Variants in STON2 observed in about 807,000 individuals in gnomAD.
The protein encoded by STON2 is stonin-2.
In STON2, 29 loss-of-function variants were observed where a neutral mutation model predicts 65.7. That is an observed-to-expected ratio of 0.44 (90% CI 0.33 to 0.60). The LOEUF (loss-of-function observed/expected upper bound fraction) is 0.60. STON2 is among the 20% of genes least tolerant of loss of function. The pLI, the probability that STON2 is intolerant of heterozygous loss-of-function variation, is 0.03. For missense variants in STON2, 1,054 were observed against 1,118.1 expected (o/e 0.94, Z 0.82); for synonymous variants, 404 against 414.2 (o/e 0.98, Z 0.30).
chr14:81,409,424 T>C (rs1008955483), intron 2 of STON2, among the ~76,000 whole-genome samples: 1 of 76,076 alleles, frequency 1.3e-5, no homozygotes, highest in Non-Finnish European at 2.6e-5. Context: ...TAAAAATAAA[T>C]ATAAAAATAT....
At position 81,305,892 on chromosome 14, in the gene STON2, G is replaced by A. The variant is rs185980489; in HGVS notation, c.742+18125C>T. 5.3e-5 allele frequency among the ~76,000 whole-genome samples: 8 copies of A among 152,176 alleles called. No homozygotes were observed. In the East Asian group the frequency reaches 1.4e-3, roughly 26 times the overall value. ...TGCAAAACTTTTCGCCTGGTATTTG[G>A]TTCTTTTGGAAAATGAAAATGAATC... On this transcript the variant is annotated intron_variant, in intron 5 of 7. Transcript: ENST00000614646.
intron 6 of STON2, among the ~76,000 whole-genome samples, chr14:81,274,348 C>T (rs1478768667): frequency 6.6e-6 from 1 of 152,182 alleles, no homozygotes; most frequent in East Asian, 1.9e-4. Context: ...AAATCTTCCA[C>T]AAACGAGGTT....
At chr14:81,295,492 G>C (rs557129722) in intron 5 of STON2, among the ~76,000 whole-genome samples, 48 of 152,258 alleles carry the variant, frequency 3.2e-4, no homozygotes, top group Non-Finnish European at 5.4e-4. Flanking sequence ...CTTTTTCAAC[G>C]ATCTCCTAAA....
intron 4 of STON2, 102 bp downstream of exon 4, chr14:81,370,886 G>A: frequency 3.6e-6 from 4 of 1,096,790 alleles, no homozygotes; most frequent in Non-Finnish European, 5.3e-6. Context: ...AACTCATTCT[G>A]CAAAGGAAGC....
intron 3 of STON2, among the ~76,000 whole-genome samples, chr14:81,393,149 A>G (rs1022894558): frequency 1.3e-5 from 2 of 152,208 alleles, no homozygotes; most frequent in African/African-American, 4.8e-5. Flanking sequence ...AATTATGACT[A>G]ATCTCAAAAT....
intron 3 of STON2, among the ~76,000 whole-genome samples, chr14:81,372,387 T>G (rs1011958902): frequency 6.6e-6 from 1 of 151,874 alleles, no homozygotes; most frequent in African/African-American, 2.4e-5. Flanking sequence ...ACCCCGTCTC[T>G]GCTAAAAAAA....
Position 81,277,284 on chromosome 14 carries a change from C to T in STON2, c.2198G>A (p.Arg733Gln), listed in dbSNP as rs754059742. The T allele has an allele frequency of 3.1e-6, 5 of 1,614,006 alleles. No individual in the cohort carries two copies. Among genetic ancestry groups the T allele is most frequent in the Non-Finnish European group, 3.4e-6 (4 of 1,180,030 alleles). Reference sequence around the variant, plus strand: ...CTTCTCAGCAAACACTGTCCTGAACCGCATTAGCTCAAACCGGCACGCATC... The same window carrying T: ...CTTCTCAGCAAACACTGTCCTGAACTGCATTAGCTCAAACCGGCACGCATC... ...PLDACRFELM[R>Q]FRTVFAEKTL... Residue 733 changes from arginine (R) to glutamine (Q), a missense_variant, in exon 6 of 8, where the codon CGG becomes CAG. Arg to Gln is a conservative substitution (Grantham distance 43). Transcript: ENST00000614646.
In STON2 at chr14:81,278,507, A is replaced by G. The variant is rs374122960; in HGVS notation, c.975T>C (p.Asn325=). 2.8e-4 allele frequency: 459 copies of G among 1,614,194 alleles called. 8 individuals carry two copies. The South Asian group carries it at 4.8e-3, about 17-fold the overall frequency. The change falls in exon 6 of 8, where the codon AAT becomes AAC. Residue 325 remains asparagine, a synonymous_variant. Coordinates refer to ENST00000614646, the MANE Select transcript of STON2 (RefSeq NM_001394390.1). The part of the protein sequence containing the change: ...SASVIPDVPY[N]SMGSFKKRDR... ...CCCTCTTCTTAAATGATCCCATTGA[A>G]TTATAAGGTACATCTGGGATCACAG...
At chr14:81,422,757 G>C (rs1394244070) in intron 2 of STON2, among the ~76,000 whole-genome samples, 3 of 152,172 alleles carry the variant, frequency 2.0e-5, no homozygotes, top group Non-Finnish European at 2.9e-5. Flanking sequence ...TTCCAGGCCA[G>C]GCACGGTGGC....
intron 4 of STON2, among the ~76,000 whole-genome samples, chr14:81,337,079 G>C (rs78947272): frequency 6.6e-6 from 1 of 152,300 alleles, no homozygotes; most frequent in South Asian, 2.1e-4. Flanking sequence ...TAATGTATAC[G>C]AAAGTGTCTG....
Position 81,423,217 on chromosome 14 carries a change from C to G in STON2, c.-199+3885G>C, listed in dbSNP as rs919202099. On this transcript the variant is annotated intron_variant, in intron 2 of 8. Transcript: ENST00000553821. ...AGAGTTCTCAAGTTAGGGCCAAGAC[C>G]AAGATGTACAACTCAGACTTGAAGG... 7.2e-5 allele frequency among the ~76,000 whole-genome samples: 11 copies of G among 152,226 alleles called. 1 individual carries two copies. In the East Asian group the frequency reaches 1.9e-3, roughly 27 times the overall value.
At chr14:81,422,628 G>C (rs1419044567) in intron 2 of STON2, among the ~76,000 whole-genome samples, 1 of 152,194 alleles carries the variant, frequency 6.6e-6, no homozygotes, top group East Asian at 1.9e-4. Flanking sequence ...CATTAGGACA[G>C]AGGTCACAGA....
At chr14:81,352,648 G>A (rs999799719) in intron 4 of STON2, among the ~76,000 whole-genome samples, 10 of 152,158 alleles carry the variant, frequency 6.6e-5, no homozygotes, top group Admixed American at 3.9e-4. Context: ...CTTAACTAAC[G>A]TGTGACTCTG....
At chr14:81,284,665 A>C (rs1566889080) in intron 5 of STON2, among the ~76,000 whole-genome samples, 1 of 152,254 alleles carries the variant, frequency 6.6e-6, no homozygotes, top group Non-Finnish European at 1.5e-5. Flanking sequence ...AGGTGGCTAC[A>C]CTAAGCAACA....
intron 4 of STON2, among the ~76,000 whole-genome samples, chr14:81,349,114 C>T (rs964890216): frequency 2.6e-5 from 4 of 151,986 alleles, no homozygotes; most frequent in African/African-American, 7.2e-5. Flanking sequence ...AGACTTAAAC[C>T]TAACACCCGA....
At chr14:81,362,309 A>C (rs567103802) in intron 4 of STON2, among the ~76,000 whole-genome samples, 1 of 152,350 alleles carries the variant, frequency 6.6e-6, no homozygotes, top group Admixed American at 6.5e-5. Context: ...GCCTTTAAAA[A>C]GAAAAATATT....
intron 4 of STON2, among the ~76,000 whole-genome samples, chr14:81,327,533 C>T (rs529014413): frequency 1.4e-4 from 21 of 152,270 alleles, no homozygotes; most frequent in African/African-American, 4.8e-4. Context: ...CAAGAGGCAA[C>T]TGGCGTTTGA....
Position 81,371,130 on chromosome 14 carries a change from T to C in STON2, c.429A>G (p.Arg143=), listed in dbSNP as rs755051588. The change falls in exon 4 of 8, where the codon AGA becomes AGG. Residue 143 remains arginine, a synonymous_variant. Transcript: ENST00000614646. The part of the protein sequence containing the change: ...WTCPSFDSLG[R]CPLTSESSWT... ...AGCTGCTCTCAGAAGTCAGAGGGCA[T>C]CTCCCCAGGGAGTCAAAGGAAGGGC... is the stretch of plus-strand genomic sequence containing the variant. 6.2e-6 allele frequency: 10 copies of C among 1,614,050 alleles called. No homozygotes were observed. The Admixed American group carries it at 1.7e-4, about 27-fold the overall frequency.
chr14:81,337,149 A>G (rs530230499), intron 4 of STON2, among the ~76,000 whole-genome samples: 2 of 152,336 alleles, frequency 1.3e-5, no homozygotes, highest in South Asian at 4.1e-4. Flanking sequence ...GTCAAGTCAC[A>G]TGGACCCTGG....
Sources: allele counts gnomAD v4.1 joint callset (sites outside exome capture counted in the v4.1 genomes callset), GRCh38; gene constraint gnomAD v4.1.1; transcripts MANE v1.5; gene names NCBI Gene and HGNC (gene_info 2026-07-23, HGNC 2026-07-21).